Variants in RANBP2 observed in about 807,000 individuals in gnomAD.
RANBP2 encodes E3 SUMO-protein ligase RanBP2.
RANBP2 carries 57 observed loss-of-function variants against 303.6 expected under a neutral mutation model. That is an observed-to-expected ratio of 0.19 (90% CI 0.15 to 0.23). RANBP2 has a LOEUF of 0.23. Ranked by LOEUF, RANBP2 falls within the 10% of genes least tolerant of loss-of-function variation. The pLI, the probability that RANBP2 is intolerant of heterozygous loss-of-function variation, is 1.00. For synonymous variants in RANBP2, 1,167 were observed against 1,301.5 expected, an observed-to-expected ratio of 0.90 and a Z score of 2.23; for missense variants, 3,138 against 3,780.8, an observed-to-expected ratio of 0.83 and a Z score of 4.46.
chr2:108,788,323 G>A (rs1178928946), downstream of RANBP2, among the ~76,000 whole-genome samples: 3 of 152,072 alleles, frequency 2.0e-5, no homozygotes, highest in Non-Finnish European at 4.4e-5. Flanking sequence ...GGAAGGCTGA[G>A]GCAGGAGAAT....
At chr2:109,570,732 C>A in the RANBP2 span, among the ~76,000 whole-genome samples, 1 of 152,018 alleles carries the variant, frequency 6.6e-6, no homozygotes, top group African/African-American at 2.4e-5. Flanking sequence ...CTGTGTTGGC[C>A]AGGCTGGTCT....
At chr2:109,696,989 G>T in the RANBP2 span, among the ~76,000 whole-genome samples, 1 of 152,038 alleles carries the variant, frequency 6.6e-6, no homozygotes, top group African/African-American at 2.4e-5. Flanking sequence ...TGTTGTCCAG[G>T]CTGGTCCGGA....
the RANBP2 span, among the ~76,000 whole-genome samples, chr2:109,661,304 TG>T: frequency 6.6e-6 from 1 of 150,828 alleles, no homozygotes; most frequent in African/African-American, 2.4e-5. Flanking sequence ...TGGAGTGCAA[TG>T]GCACGATCTC....
chr2:109,006,101 G>A, the RANBP2 span, among the ~76,000 whole-genome samples: 1 of 152,222 alleles, frequency 6.6e-6, no homozygotes, highest in South Asian at 2.1e-4. Flanking sequence ...AGAAACGTGT[G>A]TGGGGTTGCG....
At chr2:109,449,408 T>G in the RANBP2 span, 39 of 1,613,400 alleles carry the variant, frequency 2.4e-5, 1 homozygote, top group South Asian at 3.8e-4. Flanking sequence ...ACGGGGAGGC[T>G]GGAGGGGGGC....
the RANBP2 span, among the ~76,000 whole-genome samples, chr2:109,277,398 A>G: frequency 1.3e-5 from 2 of 152,202 alleles, no homozygotes; most frequent in Non-Finnish European, 2.9e-5. Context: ...GGTGATGGAA[A>G]TCAACTTTGT....
At chr2:109,480,574 C>T in the RANBP2 span, among the ~76,000 whole-genome samples, 8 of 152,148 alleles carry the variant, frequency 5.3e-5, no homozygotes, top group African/African-American at 1.4e-4. Context: ...CAGGAAGTCT[C>T]GCAGGGTAGA....
chr2:109,281,341 A>G, the RANBP2 span, among the ~76,000 whole-genome samples: 1 of 152,180 alleles, frequency 6.6e-6, no homozygotes. Context: ...TCCGTTATCC[A>G]TCAGGAATTC....
the RANBP2 span, among the ~76,000 whole-genome samples, chr2:109,555,039 G>T: frequency 2.0e-5 from 3 of 152,096 alleles, no homozygotes; most frequent in Non-Finnish European, 4.4e-5. Flanking sequence ...TGATCTTTGT[G>T]ATTTTCTGCC....
the RANBP2 span, among the ~76,000 whole-genome samples, chr2:109,216,063 GCAGT>G: frequency 6.6e-6 from 1 of 152,178 alleles, no homozygotes; most frequent in Non-Finnish European, 1.5e-5. Context: ...AGACAGCCAA[GCAGT>G]CAGTCTGAAG....
chr2:108,789,212 A>G (rs924721407), downstream of RANBP2, among the ~76,000 whole-genome samples: 3 of 152,232 alleles, frequency 2.0e-5, no homozygotes, highest in African/African-American at 7.2e-5. Context: ...TATATAATGT[A>G]AAAGATGAAA....
chr2:109,778,142 A>G, the RANBP2 span, among the ~76,000 whole-genome samples: 1 of 138,198 alleles, frequency 7.2e-6, no homozygotes. Context: ...ACACACACCC[A>G]CACCTGTACT....
At chr2:109,152,669 A>T in the RANBP2 span, among the ~76,000 whole-genome samples, 1 of 152,112 alleles carries the variant, frequency 6.6e-6, no homozygotes, top group South Asian at 2.1e-4. Flanking sequence ...TAAGCATTTC[A>T]TGGTTTCAAG....
At chr2:108,834,086 A>G in the RANBP2 span, among the ~76,000 whole-genome samples, 3 of 151,450 alleles carry the variant, frequency 2.0e-5, no homozygotes, top group Non-Finnish European at 4.4e-5. Flanking sequence ...AATAATAAGG[A>G]AACTAGAATT....
the RANBP2 span, among the ~76,000 whole-genome samples, chr2:109,043,113 G>T: frequency 1.3e-5 from 2 of 152,284 alleles, no homozygotes; most frequent in East Asian, 3.9e-4. Flanking sequence ...TAAATAAGGT[G>T]AAGTTTTGCC....
chr2:109,475,650 G>T, the RANBP2 span, among the ~76,000 whole-genome samples: 1 of 152,218 alleles, frequency 6.6e-6, no homozygotes, highest in Admixed American at 6.5e-5. Context: ...GCTCTGCATT[G>T]TAGGATGTCG....
At chr2:109,485,625 C>A in the RANBP2 span, among the ~76,000 whole-genome samples, 9 of 152,200 alleles carry the variant, frequency 5.9e-5, no homozygotes, top group African/African-American at 1.2e-4. Flanking sequence ...TATGAATAAA[C>A]GCCTTCAAAA....
the RANBP2 span, among the ~76,000 whole-genome samples, chr2:109,290,004 C>A: frequency 6.6e-6 from 1 of 152,168 alleles, no homozygotes; most frequent in African/African-American, 2.4e-5. Flanking sequence ...CTGGGGGGAC[C>A]TTGTTAAAAT....
At chr2:109,582,371 GGGCAGT>G in the RANBP2 span, among the ~76,000 whole-genome samples, 1 of 152,158 alleles carries the variant, frequency 6.6e-6, no homozygotes, top group South Asian at 2.1e-4. Flanking sequence ...CAGGCTGGAA[GGGCAGT>G]GGCATGATCA....
Sources: allele counts gnomAD v4.1 joint callset (sites outside exome capture counted in the v4.1 genomes callset), GRCh38; gene constraint gnomAD v4.1.1; transcripts MANE v1.5; gene names NCBI Gene and HGNC (gene_info 2026-07-23, HGNC 2026-07-21).